SV2C: variants seen among roughly 807,000 people sequenced by gnomAD.
The protein encoded by SV2C is solute carrier family 22 member B3.
Under a neutral mutation model 79.7 loss-of-function variants are expected in SV2C, and 49 were observed. The observed-to-expected ratio is 0.61, with a 90% CI of 0.49 to 0.78. The LOEUF (loss-of-function observed/expected upper bound fraction) is 0.78. Ranked by LOEUF, SV2C falls within the 30% of genes least tolerant of loss-of-function variation. The pLI is 0.00. For synonymous variants in SV2C, 334 were observed against 333.2 expected, an observed-to-expected ratio of 1.00 and a Z score of -0.03; for missense variants, 833 against 912.9, an observed-to-expected ratio of 0.91 and a Z score of 1.13.
Position 76,291,839 on chromosome 5 carries a change from G to A in SV2C, c.1320G>A (p.Trp440Ter). The change falls in exon 8 of 13, where the codon TGG becomes TGA. Residue 440 changes from tryptophan (W) to a stop codon, truncating the protein, a stop_gained. Transcript: ENST00000502798. LOFTEE classifies it high-confidence loss of function. The part of the protein sequence containing the change: ...RDNTIKLTIV[W>*]FTLSFGYYGL... Reference sequence around the variant, plus strand: ...ATACAATAAAGCTTACAATTGTTTGGTTCACCCTGTCCTTTGGGTAAGTGA... The same window carrying A: ...ATACAATAAAGCTTACAATTGTTTGATTCACCCTGTCCTTTGGGTAAGTGA... The A allele has an allele frequency of 4.4e-6, 7 of 1,608,622 alleles. No homozygotes were observed. The highest frequency in any genetic ancestry group is 1.1e-5 in the South Asian group (1 of 90,202).
At chr5:75,895,026 T>A in the SV2C span, among the ~76,000 whole-genome samples, 2 of 152,086 alleles carry the variant, frequency 1.3e-5, no homozygotes, top group African/African-American at 4.8e-5. Flanking sequence ...AAAGAAAATA[T>A]CTGTCTACTT....
chr5:75,875,387 A>G, the SV2C span, among the ~76,000 whole-genome samples: 1 of 152,296 alleles, frequency 6.6e-6, no homozygotes, highest in South Asian at 2.1e-4. Context: ...TGTGCAGAAG[A>G]TTGAAGCTGG....
At chr5:75,872,012 TATATA>T in the SV2C span, among the ~76,000 whole-genome samples, 4 of 147,354 alleles carry the variant, frequency 2.7e-5, no homozygotes, top group Non-Finnish European at 6.0e-5. Flanking sequence ...TTATTTATTT[TATATA>T]ATATATTAGC....
the SV2C span, among the ~76,000 whole-genome samples, chr5:75,940,120 T>C: frequency 2.0e-5 from 3 of 152,320 alleles, no homozygotes; most frequent in Admixed American, 6.5e-5. Flanking sequence ...ACAAGCACTA[T>C]GCTTAGTATA....
Position 76,330,528 on chromosome 5 carries a change from A to G in SV2C, c.*4981A>G, listed in dbSNP as rs13161762. On this transcript the variant is annotated 3_prime_UTR_variant, in exon 13 of 13. Transcript: ENST00000502798. ...ACAGAATGAGAGAAGACACTCTCAC[A>G]CTGACCCCCATTACATGTGAACCCT... 6,192 of 150,772 alleles carry G rather than the reference A, an allele frequency of 0.041. 156 individuals carry two copies. The highest frequency in any genetic ancestry group is 0.078 in the Middle Eastern group (23 of 294). 9.3% of individuals were successfully genotyped at this position (150,772 alleles called of 1,614,324 possible).
At chr5:76,298,688 A>G in intron 9 of SV2C, 106 bp from the exon 10 acceptor site, 1 of 1,297,038 alleles carries the variant, frequency 7.7e-7, no homozygotes, top group Non-Finnish European at 1.1e-6. Flanking sequence ...TTTATAATTA[A>G]GACAGTCCAT....
chr5:76,166,105 A>G (rs1743039852), intron 2 of SV2C, among the ~76,000 whole-genome samples: 1 of 152,182 alleles, frequency 6.6e-6, no homozygotes, highest in Non-Finnish European at 1.5e-5. Context: ...ATTTCCTGAT[A>G]TTGTTTCTGC....
At chr5:75,900,409 T>C in the SV2C span, among the ~76,000 whole-genome samples, 2 of 152,244 alleles carry the variant, frequency 1.3e-5, no homozygotes, top group African/African-American at 4.8e-5. Context: ...TCTTCTGGCT[T>C]GTAGAGTTTC....
At chr5:76,070,072 T>C in the SV2C span, among the ~76,000 whole-genome samples, 1 of 151,922 alleles carries the variant, frequency 6.6e-6, no homozygotes, top group East Asian at 1.9e-4. Flanking sequence ...CAGCTTGGAG[T>C]CCAGTCCTGC....
intron 1 of SV2C, among the ~76,000 whole-genome samples, chr5:76,090,326 G>A (rs1009588835): frequency 6.6e-6 from 1 of 152,206 alleles, no homozygotes; most frequent in Non-Finnish European, 1.5e-5. Flanking sequence ...CAATTGTGTA[G>A]GTGGTCTTGT....
At chr5:76,305,500 AG>A (rs1417034265) in intron 12 of SV2C, among the ~76,000 whole-genome samples, 1 of 152,228 alleles carries the variant, frequency 6.6e-6, no homozygotes, top group Non-Finnish European at 1.5e-5. Context: ...TTGTGCAATC[AG>A]GAAGCAGAGA....
the SV2C span, among the ~76,000 whole-genome samples, chr5:75,873,308 G>A: frequency 0.11 from 16,821 of 152,030 alleles, 993 homozygotes; most frequent in East Asian, 0.16. Flanking sequence ...ATTCACAAAA[G>A]AGATACAAAT....
chr5:75,948,599 G>A, the SV2C span, among the ~76,000 whole-genome samples: 2 of 152,004 alleles, frequency 1.3e-5, no homozygotes, highest in Non-Finnish European at 1.5e-5. Flanking sequence ...ATTGCATAGG[G>A]TGGTGGTCAG....
chr5:76,037,325 T>G, the SV2C span, among the ~76,000 whole-genome samples: 1 of 152,370 alleles, frequency 6.6e-6, no homozygotes, highest in Admixed American at 6.5e-5. Flanking sequence ...GGCGCTCTGC[T>G]TTTTAGAGTT....
At chr5:75,960,301 A>G in the SV2C span, among the ~76,000 whole-genome samples, 2 of 152,074 alleles carry the variant, frequency 1.3e-5, no homozygotes. Context: ...GCTTTTTACA[A>G]TCTGTTTCTA....
chr5:76,217,952 A>G (rs1744952363), intron 4 of SV2C, among the ~76,000 whole-genome samples: 1 of 152,208 alleles, frequency 6.6e-6, no homozygotes, highest in Non-Finnish European at 1.5e-5. Context: ...AAATAACGAG[A>G]GTCTGACAAC....
chr5:75,956,772 A>G, the SV2C span, among the ~76,000 whole-genome samples: 1 of 151,932 alleles, frequency 6.6e-6, no homozygotes, highest in Non-Finnish European at 1.5e-5. Flanking sequence ...GAAGCCCCAA[A>G]TTCTCCTCTG....
At chr5:75,851,549 G>A in the SV2C span, among the ~76,000 whole-genome samples, 1 of 152,126 alleles carries the variant, frequency 6.6e-6, no homozygotes, top group Admixed American at 6.5e-5. Flanking sequence ...AAGAGTGTCC[G>A]ATGTAGGTAA....
At chr5:76,131,500 A>G (rs1008051743) in intron 1 of SV2C, 150 bp from the exon 2 acceptor site, 38 of 267,096 alleles carry the variant, frequency 1.4e-4, no homozygotes, top group African/African-American at 7.4e-4. Flanking sequence ...GTGTACATGT[A>G]TATACAGTGA....
Sources: allele counts gnomAD v4.1 joint callset (sites outside exome capture counted in the v4.1 genomes callset), GRCh38; gene constraint gnomAD v4.1.1; transcripts MANE v1.5; gene names NCBI Gene and HGNC (gene_info 2026-07-23, HGNC 2026-07-21).